Variants in CCNT1 observed in about 807,000 individuals in gnomAD.
The protein encoded by CCNT1 is cyclin T1, also known as cyclin-T1.
CCNT1 carries 18 observed loss-of-function variants against 67.3 expected under a neutral mutation model. The observed-to-expected ratio is 0.27, with a 90% CI of 0.18 to 0.40. The LOEUF is 0.40. Among genes scored for constraint, CCNT1 ranks in the 10% least tolerant of loss-of-function variants. The probability of loss-of-function intolerance (pLI) is 1.00; values close to 1 mark genes in which losing one functional copy is unlikely to be tolerated. For missense variants in CCNT1, 744 were observed against 884.9 expected, an observed-to-expected ratio of 0.84 and a Z score of 2.02; for synonymous variants, 333 against 310.3, an observed-to-expected ratio of 1.07 and a Z score of -0.77.
chr12:48,696,194 C>G, intron 6 of CCNT1, 32 bp from the exon 7 acceptor site: 1 of 1,126,706 alleles, frequency 8.9e-7, no homozygotes, highest in South Asian at 1.5e-5. Context: ...CAGAGAGTGT[C>G]ATGAGCTCTC....
intron 2 of CCNT1, among the ~76,000 whole-genome samples, chr12:48,712,964 T>A (rs1198560662): frequency 1.3e-5 from 2 of 152,008 alleles, no homozygotes; most frequent in Non-Finnish European, 2.9e-5. Context: ...TCAATCCATA[T>A]GAAGTACTCA....
Position 48,696,125 on chromosome 12 carries a change from G to C in CCNT1, c.580C>G (p.Pro194Ala), listed in dbSNP as rs1390840609. 1 of 1,613,456 alleles carries C rather than the reference G, an allele frequency of 6.2e-7. No individual in the cohort carries two copies. Among genetic ancestry groups the C allele is most frequent in the South Asian group, 1.1e-5 (1 of 91,070 alleles). Residue 194 changes from proline to alanine, a missense_variant, in exon 7 of 9, where the codon CCT becomes GCT. Physicochemically the swap from Pro to Ala is conservative, Grantham distance 27. Coordinates refer to ENST00000261900, the MANE Select transcript of CCNT1 (RefSeq NM_001240.4). ...LTTFSLQYTPPVVACVCIHLA... is the reference protein window; with the variant it reads ...LTTFSLQYTPAVVACVCIHLA... The stretch of plus-strand genomic sequence containing the variant: ...TGAATGCAGACACAGGCCACCACAG[G>C]AGGTGTGTACTGCAGGCTAAATGTG...
intron 3 of CCNT1, among the ~76,000 whole-genome samples, chr12:48,703,454 T>A (rs1940305039): frequency 6.6e-6 from 1 of 151,916 alleles, no homozygotes; most frequent in African/African-American, 2.4e-5. Flanking sequence ...ATGCCTGTAA[T>A]CCCAGCTACT....
Position 48,694,059 on chromosome 12 carries a change from AG to A in CCNT1, c.1154del (p.Ala385ValfsTer5). 6.2e-7 allele frequency: 1 copy of A among 1,614,220 alleles called. No homozygotes were observed. Among genetic ancestry groups the A allele is most frequent in the South Asian group, 1.1e-5 (1 of 91,086 alleles). Reference sequence around the variant, plus strand: ...CGCGGTATTCTTTCAGTGACACTTTAGCTGATGGCACACTCTTACTATTCTG... The same window carrying A: ...CGCGGTATTCTTTCAGTGACACTTTACTGATGGCACACTCTTACTATTCTG... ...QKQNSKSVPSAKVSLKEYRAK... is the reference protein window; with the variant it reads ...QKQNSKSVPSXKVSLKEYRAK... On this transcript the variant is annotated frameshift_variant, in exon 9 of 9. Coordinates refer to ENST00000261900, the MANE Select transcript of CCNT1 (RefSeq NM_001240.4). LOFTEE classifies it high-confidence loss of function.
chr12:48,699,853 A>G lies in CCNT1; in HGVS notation c.434-13T>C, dbSNP rs1236311987. ...GTTAGTTCAAAGCCTTAAAAGAAAA[A>G]GTAATGGATTAAAAAACTATTAAGA... On this transcript the variant is annotated splice_polypyrimidine_tract_variant and intron_variant, in intron 4 of 8. Transcript: ENST00000261900. The G allele has an allele frequency of 9.8e-6, 15 of 1,537,758 alleles. No individual in the cohort carries two copies. The highest frequency in any genetic ancestry group is 1.4e-5 in the African/African-American group (1 of 73,030).
At chr12:48,713,614 T>C (rs946026162) in intron 2 of CCNT1, among the ~76,000 whole-genome samples, 3 of 152,066 alleles carry the variant, frequency 2.0e-5, no homozygotes, top group Non-Finnish European at 4.4e-5. Flanking sequence ...GGAGACCCCA[T>C]CTTCACAAAA....
intron 2 of CCNT1, among the ~76,000 whole-genome samples, chr12:48,706,251 C>T (rs563546414): frequency 6.6e-6 from 1 of 152,236 alleles, no homozygotes; most frequent in East Asian, 1.9e-4. Context: ...ATACGCAAAT[C>T]CATATAGAGA....
chr12:48,696,909 A>G (rs965283410), intron 6 of CCNT1, among the ~76,000 whole-genome samples: 1 of 152,078 alleles, frequency 6.6e-6, no homozygotes, highest in South Asian at 2.1e-4. Flanking sequence ...CTCGGCTCAC[A>G]GCACCCTCTG....
At chr12:48,716,019 C>CT (rs1940527640) in intron 1 of CCNT1, among the ~76,000 whole-genome samples, 1 of 152,230 alleles carries the variant, frequency 6.6e-6, no homozygotes, top group South Asian at 2.1e-4. Context: ...TGAGAGGTCA[C>CT]TTAAACAGCT....
rs1940045478 is a variant in CCNT1, at chr12:48,689,872, T to C, written c.*3161A>G. On this transcript the variant is annotated 3_prime_UTR_variant, in exon 9 of 9. Coordinates refer to ENST00000261900, the MANE Select transcript of CCNT1 (RefSeq NM_001240.4). ...ATGTCACCATGATTTTATTTCCATA[T>C]CCTAATCCATTGCTGTTTGCAACTG... 1 of 152,214 alleles carries C rather than the reference T, an allele frequency of 6.6e-6. No homozygotes were observed. The highest frequency in any genetic ancestry group is 2.1e-4 in the South Asian group (1 of 4,836). 9.4% of individuals were successfully genotyped at this position (152,214 alleles called of 1,614,324 possible).
chr12:48,699,722 C>T (rs577596565), intron 5 of CCNT1, 56 bp downstream of exon 5: 1 of 1,276,480 alleles, frequency 7.8e-7, no homozygotes, highest in East Asian at 2.3e-5. Context: ...CCACAAACCA[C>T]AACCTCTAAA....
chr12:48,693,792 A>T lies in CCNT1; in HGVS notation c.1422T>A (p.Ser474=), dbSNP rs780374398. 1 of 1,613,934 alleles carries T rather than the reference A, an allele frequency of 6.2e-7. No homozygotes were observed. Among genetic ancestry groups the T allele is most frequent in the African/African-American group, 1.3e-5 (1 of 74,910 alleles). ...IPVAGGDKAA[S]SKPEEIKMRI... Reference sequence around the variant, plus strand: ...GCATTTTTATCTCCTCTGGTTTTGAAGACGCAGCTTTATCTCCACCTGCCA... The same window carrying T: ...GCATTTTTATCTCCTCTGGTTTTGATGACGCAGCTTTATCTCCACCTGCCA... The change falls in exon 9 of 9, where the codon TCT becomes TCA. Residue 474 remains serine, a synonymous_variant. Transcript: ENST00000261900.
At chr12:48,696,561 T>C (rs1195757886) in intron 6 of CCNT1, among the ~76,000 whole-genome samples, 7 of 152,148 alleles carry the variant, frequency 4.6e-5, no homozygotes, top group Admixed American at 4.6e-4. Flanking sequence ...CTAAGGAAAA[T>C]TGTAAGCTTT....
In CCNT1 at chr12:48,688,547, G is replaced by C. The variant is rs1420423247; in HGVS notation, c.*4486C>G. The stretch of plus-strand genomic sequence containing the variant: ...CAGCAAGATATCAAACTGATAGCCA[G>C]ACTATAAAATGTATACATCCTTTTT... On this transcript the variant is annotated 3_prime_UTR_variant, in exon 9 of 9. Transcript: ENST00000261900. 1 of 152,134 alleles carries C rather than the reference G, an allele frequency of 6.6e-6. No individual in the cohort carries two copies. The highest frequency in any genetic ancestry group is 1.5e-5 in the Non-Finnish European group (1 of 68,018). The allele number at this position is 152,134 out of a possible 1,614,324, so 9.4% of individuals were successfully genotyped here. A position where few individuals can be genotyped will look rare whatever the true frequency, so the allele number is the denominator to read the frequency against.
At chr12:48,706,594 C>T (rs1279822438) in intron 2 of CCNT1, among the ~76,000 whole-genome samples, 1 of 152,126 alleles carries the variant, frequency 6.6e-6, no homozygotes, top group East Asian at 1.9e-4. Flanking sequence ...AAGATTAAAG[C>T]AATATGACAT....
chr12:48,701,253 T>G (rs1940262690), intron 3 of CCNT1, among the ~76,000 whole-genome samples, 180 bp from the exon 4 acceptor site: 1 of 98,964 alleles, frequency 1.0e-5, no homozygotes, highest in African/African-American at 3.6e-5. Flanking sequence ...TTAGACAGAG[T>G]CTCCCTCTGT....
intron 4 of CCNT1, among the ~76,000 whole-genome samples, chr12:48,700,433 CTT>C (rs1940247738): frequency 1.3e-5 from 2 of 151,358 alleles, no homozygotes. Flanking sequence ...ACGCCAATAA[CTT>C]TGACGTACAA....
intron 2 of CCNT1, among the ~76,000 whole-genome samples, chr12:48,708,670 A>G (rs1485700665): frequency 6.6e-6 from 1 of 152,250 alleles, no homozygotes; most frequent in Non-Finnish European, 1.5e-5. Context: ...TTGCATACAA[A>G]GAAAAAATTC....
chr12:48,695,845 A>C lies in CCNT1; in HGVS notation c.707-16T>G. On this transcript the variant is annotated splice_polypyrimidine_tract_variant and intron_variant, in intron 7 of 8. Transcript: ENST00000261900. ...TGTGTCAGTTCTACAAGTAAAACAG[A>C]ACATTCAAGAAAGACTGAGAGAAAC... 6.3e-7 allele frequency: 1 copy of C among 1,593,942 alleles called. No individual in the cohort carries two copies. The highest frequency in any genetic ancestry group is 8.6e-7 in the Non-Finnish European group (1 of 1,162,210).
Sources: allele counts gnomAD v4.1 joint callset (sites outside exome capture counted in the v4.1 genomes callset), GRCh38; gene constraint gnomAD v4.1.1; transcripts MANE v1.5; gene names NCBI Gene and HGNC (gene_info 2026-07-23, HGNC 2026-07-21).